NAAA: variants seen among roughly 807,000 people sequenced by gnomAD.
NAAA encodes the protein N-acylethanolamine-hydrolyzing acid amidase.
NAAA carries 39 observed loss-of-function variants against 44.8 expected under a neutral mutation model. That is an observed-to-expected ratio of 0.87 (90% CI 0.67 to 1.14). The LOEUF is 1.14. Among genes scored for constraint, NAAA ranks in the 50% most tolerant of loss-of-function variants. The pLI is 0.00. For missense variants in NAAA, 460 were observed against 467.8 expected, an observed-to-expected ratio of 0.98 and a Z score of 0.15; for synonymous variants, 178 against 191.3, an observed-to-expected ratio of 0.93 and a Z score of 0.58.
chr4:75,912,722 C>T (rs7663979), downstream of NAAA, among the ~76,000 whole-genome samples: 1 of 151,624 alleles, frequency 6.6e-6, no homozygotes, highest in Admixed American at 6.6e-5. Flanking sequence ...TGCAGTGGGC[C>T]GAGATTGCAC....
At chr4:75,934,607 G>A (rs1411656243) in intron 3 of NAAA, among the ~76,000 whole-genome samples, 3 of 151,910 alleles carry the variant, frequency 2.0e-5, no homozygotes, top group Non-Finnish European at 4.4e-5. Context: ...GATTACAGGC[G>A]TGAGCCACCG....
intron 5 of NAAA, among the ~76,000 whole-genome samples, chr4:75,923,528 T>C (rs1027252195): frequency 2.0e-5 from 3 of 151,448 alleles, no homozygotes; most frequent in Admixed American, 6.6e-5. Context: ...GGAGGCTCCA[T>C]CTTCCCTTCT....
chr4:75,935,427 T>C (rs944636708), intron 3 of NAAA: 7 of 152,224 alleles, frequency 4.6e-5, no homozygotes, highest in African/African-American at 1.4e-4. Flanking sequence ...GTTTACACAG[T>C]TGACAACAGC....
At chr4:75,932,230 A>AAAAAT (rs1238622066) in intron 3 of NAAA, among the ~76,000 whole-genome samples, 8 of 152,238 alleles carry the variant, frequency 5.3e-5, no homozygotes, top group East Asian at 3.8e-4. Context: ...ACTCTGTCTC[A>AAAAAT]AAAATAAAAT....
At chr4:75,928,382 G>A (rs980544895) in intron 4 of NAAA, among the ~76,000 whole-genome samples, 7 of 152,178 alleles carry the variant, frequency 4.6e-5, no homozygotes, top group Non-Finnish European at 8.8e-5. Context: ...AGTGGAGGTA[G>A]AATGGACAGG....
chr4:75,939,899 C>T (rs1017819465), intron 2 of NAAA, 102 bp downstream of exon 2: 1 of 1,386,448 alleles, frequency 7.2e-7, no homozygotes, highest in Non-Finnish European at 1.0e-6. Flanking sequence ...CAAGCAGGCA[C>T]CGCCCTGTTT....
intron 4 of NAAA, among the ~76,000 whole-genome samples, chr4:75,928,669 C>G (rs1726952196): frequency 6.6e-6 from 1 of 152,024 alleles, no homozygotes; most frequent in Non-Finnish European, 1.5e-5. Context: ...GGAGGCCAGG[C>G]CTGGAGATGC....
chr4:75,928,949 G>A (rs975410381), intron 4 of NAAA, among the ~76,000 whole-genome samples: 4 of 140,446 alleles, frequency 2.8e-5, no homozygotes, highest in Admixed American at 6.9e-5. Context: ...CACCACGCCC[G>A]GCTAAATTTG....
chr4:75,912,882 T>C (rs1351755854), downstream of NAAA, among the ~76,000 whole-genome samples: 2 of 152,156 alleles, frequency 1.3e-5, no homozygotes, highest in Non-Finnish European at 2.9e-5. Flanking sequence ...TAAAAGGGCA[T>C]TGGATGATGA....
intron 5 of NAAA, among the ~76,000 whole-genome samples, chr4:75,921,607 TAGG>T (rs920328279): frequency 1.3e-5 from 2 of 152,054 alleles, no homozygotes; most frequent in African/African-American, 4.8e-5. Flanking sequence ...AGAGTTCACA[TAGG>T]AGAATAAGAT....
At chr4:75,912,843 TG>T (rs144233384), downstream of NAAA, among the ~76,000 whole-genome samples, 1,695 of 152,230 alleles carry the variant, frequency 0.011, 27 homozygotes, top group African/African-American at 0.037. Flanking sequence ...ACAGCTGGCA[TG>T]AGTAAACTAC....
chr4:75,924,695 C>G (rs1726491859), intron 5 of NAAA, among the ~76,000 whole-genome samples: 1 of 152,196 alleles, frequency 6.6e-6, no homozygotes, highest in Non-Finnish European at 1.5e-5. Context: ...TATCTCCTAT[C>G]TCAATCAGCT....
chr4:75,931,877 G>T (rs538835701), intron 3 of NAAA, among the ~76,000 whole-genome samples: 1 of 152,284 alleles, frequency 6.6e-6, no homozygotes, highest in Non-Finnish European at 1.5e-5. Flanking sequence ...CACCAAAGGG[G>T]TGCACAAAGC....
rs1728097862 is a variant in NAAA at position 75,940,010 on chromosome 4, T to G, written c.362A>C (p.Glu121Ala). Residue 121 changes from glutamate (E) to alanine (A), a missense_variant, in exon 2 of 11, where the codon GAG (glutamate) becomes GCG (alanine). Coordinates refer to ENST00000286733, the MANE Select transcript of NAAA (RefSeq NM_014435.4). ...GGCTTGGGGCACTCACACGGAGGAC[T>G]CGTAGGCCAGGTTGACCAGAAGGCA... ...ADCLLVNLAYESSVFCTSIVA... is the reference protein window; with the variant it reads ...ADCLLVNLAYASSVFCTSIVA... The G allele has an allele frequency of 6.2e-7, 1 of 1,613,838 alleles. No homozygotes were observed.
In NAAA at chr4:75,914,130, G is replaced by GATC; in HGVS notation, c.*242_*244dup. 1.0e-6 allele frequency: 1 copy of GATC among 985,686 alleles called. No individual in the cohort carries two copies. The highest frequency in any genetic ancestry group is 1.2e-6 in the Non-Finnish European group (1 of 829,958). 61.1% of individuals were successfully genotyped at this position (985,686 alleles called of 1,614,324 possible). ...CAGGCCAGGATAGAAGCTTAGAGAG[G>GATC]ATCGAGGCAAACCATGAAGGGAAGG... is the stretch of plus-strand genomic sequence containing the variant. On this transcript the variant is annotated 3_prime_UTR_variant, in exon 11 of 11. Transcript: ENST00000286733.
rs922988258 is a variant in NAAA, at chr4:75,913,966, G to A, written c.*409C>T. The stretch of plus-strand genomic sequence containing the variant: ...CCTTTTTTCTTAGGCTCTTTCAGAA[G>A]CACTTCACAATGAACAGAGGTCTTG... On this transcript the variant is annotated 3_prime_UTR_variant, in exon 11 of 11. Transcript: ENST00000286733. The A allele has an allele frequency of 2.0e-6, 2 of 985,288 alleles. No homozygotes were observed. Among genetic ancestry groups the A allele is most frequent in the African/African-American group, 3.5e-5 (2 of 57,212 alleles). The allele number at this position is 985,288 out of a possible 1,614,324, so 61.0% of individuals were successfully genotyped here.
At chr4:75,911,695 T>G (rs1029020693), downstream of NAAA, among the ~76,000 whole-genome samples, 2 of 152,134 alleles carry the variant, frequency 1.3e-5, no homozygotes, top group African/African-American at 4.8e-5. Flanking sequence ...CAATCTTAGG[T>G]GCTATAGTAG....
downstream of NAAA, among the ~76,000 whole-genome samples, chr4:75,911,010 C>T (rs1244464508): frequency 6.6e-6 from 1 of 152,108 alleles, no homozygotes; most frequent in African/African-American, 2.4e-5. Context: ...TTACAAAGTA[C>T]ATTCTCAAGG....
chr4:75,938,964 C>T (rs1727973354), intron 2 of NAAA, among the ~76,000 whole-genome samples: 1 of 152,198 alleles, frequency 6.6e-6, no homozygotes, highest in Non-Finnish European at 1.5e-5. Flanking sequence ...ATTCTCCTGC[C>T]TCGGCCTCCC....
Sources: allele counts gnomAD v4.1 joint callset (sites outside exome capture counted in the v4.1 genomes callset), GRCh38; gene constraint gnomAD v4.1.1; transcripts MANE v1.5; gene names NCBI Gene and HGNC (gene_info 2026-07-23, HGNC 2026-07-21).